The following SIM1 variants were observed in gnomAD, a reference collection of about 807,000 sequenced individuals.
SIM1 encodes the protein single-minded homolog 1.
SIM1 carries 18 observed loss-of-function variants against 78.2 expected under a neutral mutation model. The observed-to-expected ratio is 0.23, with a 90% confidence interval of 0.16 to 0.34. The LOEUF is 0.34. SIM1 is among the 10% of genes least tolerant of loss of function. The probability of loss-of-function intolerance (pLI) is 1.00; values close to 1 mark genes in which losing one functional copy is unlikely to be tolerated. For missense variants in SIM1, 939 were observed against 975.1 expected (o/e 0.96, Z 0.49); for synonymous variants, 417 against 385.2 (o/e 1.08, Z -0.97).
chr6:100,392,345 T>C (rs1334184261), intron 11 of SIM1, among the ~76,000 whole-genome samples: 1 of 152,196 alleles, frequency 6.6e-6, no homozygotes, highest in African/African-American at 2.4e-5. Flanking sequence ...CAAGTAGGAA[T>C]ATATGAAAGC....
intron 9 of SIM1, among the ~76,000 whole-genome samples, chr6:100,446,688 G>T (rs796542638): frequency 1.3e-5 from 2 of 152,322 alleles, no homozygotes; most frequent in African/African-American, 4.8e-5. Flanking sequence ...AAGCAATTAC[G>T]CCCCGCGCGG....
At chr6:100,395,716 A>G (rs74558690) in intron 10 of SIM1, among the ~76,000 whole-genome samples, 2,519 of 152,188 alleles carry the variant, frequency 0.017, 84 homozygotes, top group African/African-American at 0.057. Context: ...CTTTCCCCTC[A>G]CCACTAGGCC....
chr6:100,395,979 A>G, intron 10 of SIM1: 1 of 430,530 alleles, frequency 2.3e-6, no homozygotes, highest in Non-Finnish European at 3.1e-6. Context: ...CATCAAGAAA[A>G]AAAATTAGAA....
At chr6:100,462,429 A>G (rs943000998) in intron 2 of SIM1, among the ~76,000 whole-genome samples, 4 of 152,230 alleles carry the variant, frequency 2.6e-5, no homozygotes, top group African/African-American at 9.6e-5. Context: ...GTAAGTATAA[A>G]TGGTTGTATA....
Position 100,435,317 on chromosome 6 carries a change from A to T in SIM1, c.998+11951T>A, listed in dbSNP as rs1321261487. On this transcript the variant is annotated intron_variant, in intron 9 of 11. Transcript: ENST00000369208. Reference sequence around the variant, plus strand: ...AACTGTTTTAATGTATAGAAGTGACAATTTCATATGGTTCACCCTAAAACA... The same window carrying T: ...AACTGTTTTAATGTATAGAAGTGACTATTTCATATGGTTCACCCTAAAACA... 2.0e-5 allele frequency among the ~76,000 whole-genome samples: 3 copies of T among 152,222 alleles called. No individual in the cohort carries two copies. The East Asian group carries it at 5.8e-4, about 29-fold the overall frequency.
intron 10 of SIM1, among the ~76,000 whole-genome samples, chr6:100,404,499 C>T (rs1045189530): frequency 1.3e-5 from 2 of 152,132 alleles, no homozygotes; most frequent in African/African-American, 4.8e-5. Flanking sequence ...CAGATGCAGA[C>T]TGCATTGTAC....
In SIM1 at chr6:100,393,879, A is replaced by G. The variant is rs775112789; in HGVS notation, c.1178T>C (p.Phe393Ser). Residue 393 changes from phenylalanine to serine, a missense_variant, in exon 11 of 12, where the codon TTT becomes TCT. Coordinates refer to ENST00000369208, the MANE Select transcript of SIM1 (RefSeq NM_005068.3). ...ATCAGATTCCGATCTTTCTGTGTGA[A>G]ATCCCGAATACTGAAACCGAGTAGG... ...RTSPYPQYSG[F>S]HTERSESDHD... The G allele has an allele frequency of 1.3e-6, 2 of 1,555,958 alleles. No individual in the cohort carries two copies. The highest frequency in any genetic ancestry group is 1.2e-5 in the South Asian group (1 of 83,014).
intron 10 of SIM1, chr6:100,394,137 T>C (rs1041889665): frequency 5.0e-6 from 2 of 399,934 alleles, no homozygotes; most frequent in African/African-American, 2.1e-5. Flanking sequence ...AAGATAATAA[T>C]GGCAACCATC....
In SIM1 at chr6:100,448,157, G is replaced by A; in HGVS notation, c.839C>T (p.Ala280Val). 4 of 1,612,888 alleles carry A rather than the reference G, an allele frequency of 2.5e-6. No individual in the cohort carries two copies. Among genetic ancestry groups the A allele is most frequent in the South Asian group, 1.1e-5 (1 of 90,968 alleles). Residue 280 changes from alanine to valine, a missense_variant, in exon 8 of 12, where the codon GCG becomes GTG. Ala to Val is a moderately conservative substitution (Grantham distance 64). Coordinates refer to ENST00000369208, the MANE Select transcript of SIM1 (RefSeq NM_005068.3). ...HGCDTFHLRC[A>V]HHLLLVKGQV... ...GGGTGGCGCCTTACGCAAATGGTGC[G>A]CGCAGCGCAGGTGGAAGGTGTCGCA... is the stretch of plus-strand genomic sequence containing the variant.
chr6:100,399,859 T>C (rs780299628), intron 10 of SIM1, among the ~76,000 whole-genome samples: 11 of 152,008 alleles, frequency 7.2e-5, no homozygotes, highest in Non-Finnish European at 1.3e-4. Flanking sequence ...ATACTGATCA[T>C]GTGACATGCC....
intron 10 of SIM1, among the ~76,000 whole-genome samples, chr6:100,397,726 G>T (rs1002133366): frequency 6.6e-5 from 10 of 151,916 alleles, no homozygotes; most frequent in African/African-American, 2.2e-4. Context: ...CCCGTGAAGA[G>T]GATGAAAAGA....
intron 9 of SIM1, among the ~76,000 whole-genome samples, chr6:100,437,041 T>C (rs954967882): frequency 3.3e-5 from 5 of 152,274 alleles, no homozygotes; most frequent in African/African-American, 1.2e-4. Flanking sequence ...CGGCCCATTT[T>C]ACAGATTTTT....
At chr6:100,452,807 T>A (rs191184469) in intron 3 of SIM1, among the ~76,000 whole-genome samples, 78 of 152,302 alleles carry the variant, frequency 5.1e-4, no homozygotes, top group African/African-American at 1.7e-3. Flanking sequence ...AGTGAGAGAA[T>A]GCTTGCCCAA....
chr6:100,414,331 G>A (rs915915467), intron 10 of SIM1, among the ~76,000 whole-genome samples: 14 of 152,100 alleles, frequency 9.2e-5, no homozygotes, highest in Non-Finnish European at 1.8e-4. Context: ...GACCCTAGTC[G>A]CTTAAGAATT....
chr6:100,429,011 G>C (rs1364622593), intron 9 of SIM1, among the ~76,000 whole-genome samples: 1 of 151,966 alleles, frequency 6.6e-6, no homozygotes, highest in Non-Finnish European at 1.5e-5. Flanking sequence ...GGATAAGGGG[G>C]GACTATGGTA....
intron 8 of SIM1, 109 bp downstream of exon 8, chr6:100,448,037 C>G (rs1772407366): frequency 2.4e-6 from 2 of 845,772 alleles, no homozygotes; most frequent in Admixed American, 2.5e-5. Context: ...CACCCGGCTC[C>G]CTGGGCTCCC....
At chr6:100,429,179 G>A (rs1254799767) in intron 9 of SIM1, among the ~76,000 whole-genome samples, 1 of 152,130 alleles carries the variant, frequency 6.6e-6, no homozygotes, top group Non-Finnish European at 1.5e-5. Context: ...GACCAATTTG[G>A]CCAACATGGT....
intron 2 of SIM1, among the ~76,000 whole-genome samples, chr6:100,458,308 G>T (rs185226977): frequency 1.8e-4 from 28 of 152,310 alleles, no homozygotes; most frequent in African/African-American, 6.3e-4. Context: ...TTCGAATGCG[G>T]CCCAGCTTTG....
intron 10 of SIM1, among the ~76,000 whole-genome samples, chr6:100,394,403 C>T (rs1316623080): frequency 2.6e-5 from 4 of 152,082 alleles, no homozygotes; most frequent in Non-Finnish European, 4.4e-5. Flanking sequence ...TTTCTATTTG[C>T]TTTCCACGTA....
Sources: allele counts gnomAD v4.1 joint callset (sites outside exome capture counted in the v4.1 genomes callset), GRCh38; gene constraint gnomAD v4.1.1; transcripts MANE v1.5; gene names NCBI Gene and HGNC (gene_info 2026-07-23, HGNC 2026-07-21).